Variants in CNTN5 observed in about 807,000 individuals in gnomAD.
The protein encoded by CNTN5 is contactin 5.
In CNTN5, 77 loss-of-function variants were observed where a neutral mutation model predicts 129.1. The ratio of observed to expected loss-of-function variants is 0.60; its 90% CI spans 0.50 to 0.72. The LOEUF is 0.72. Among genes scored for constraint, CNTN5 ranks in the 30% least tolerant of loss-of-function variants. The probability of loss-of-function intolerance (pLI) is 0.00; values close to 1 mark genes in which losing one functional copy is unlikely to be tolerated. For synonymous variants in CNTN5, 509 were observed against 465.6 expected, an observed-to-expected ratio of 1.09 and a Z score of -1.20; for missense variants, 1,478 against 1,328.8, an observed-to-expected ratio of 1.11 and a Z score of -1.75.
At chr11:100,307,024 C>G (rs901899066) in intron 20 of CNTN5, among the ~76,000 whole-genome samples, 58 of 151,524 alleles carry the variant, frequency 3.8e-4, no homozygotes, top group African/African-American at 1.4e-3. Context: ...CAAAGGTGGA[C>G]CAACCAAGTC....
At chr11:100,192,734 G>C (rs1050753049) in intron 14 of CNTN5, among the ~76,000 whole-genome samples, 1 of 151,904 alleles carries the variant, frequency 6.6e-6, no homozygotes, top group African/African-American at 2.4e-5. Context: ...AGCCTTTATT[G>C]GTTCAAAGTT....
At chr11:99,953,500 C>A (rs534127536) in intron 7 of CNTN5, among the ~76,000 whole-genome samples, 1 of 152,222 alleles carries the variant, frequency 6.6e-6, no homozygotes, top group Non-Finnish European at 1.5e-5. Flanking sequence ...AAGGAAATCC[C>A]GAAGTATCAG....
At chr11:99,966,807 C>CA (rs1234642872) in intron 8 of CNTN5, among the ~76,000 whole-genome samples, 1 of 151,990 alleles carries the variant, frequency 6.6e-6, no homozygotes, top group African/African-American at 2.4e-5. Flanking sequence ...TAATGTTGAA[C>CA]AAAAAAAGTT....
At position 100,129,459 on chromosome 11, in the gene CNTN5, A is replaced by C. The variant is rs140612276; in HGVS notation, c.1580+55165A>C. Among the ~76,000 whole-genome samples, 388 of 152,194 alleles carry C rather than the reference A, an allele frequency of 2.5e-3. 1 individual carries two copies. Among genetic ancestry groups the C allele is most frequent in the African/African-American group, 8.5e-3 (352 of 41,528 alleles). On this transcript the variant is annotated intron_variant, in intron 13 of 24. Transcript: ENST00000524871. The stretch of plus-strand genomic sequence containing the variant: ...TATACACAGACACTCATCACATCAA[A>C]ATTCCTTTGAAGACCGAAGAAAGAG...
At chr11:99,411,121 CAT>C (rs564963228) in intron 2 of CNTN5, among the ~76,000 whole-genome samples, 220 of 152,274 alleles carry the variant, frequency 1.4e-3, no homozygotes, top group African/African-American at 5.1e-3. Flanking sequence ...ATATTGGTAA[CAT>C]GTTTATTTTC....
At chr11:100,209,581 T>C (rs1356018567) in intron 15 of CNTN5, among the ~76,000 whole-genome samples, 2 of 152,164 alleles carry the variant, frequency 1.3e-5, no homozygotes, top group Non-Finnish European at 2.9e-5. Context: ...AAAACATAAA[T>C]GGGTTAATTG....
intron 13 of CNTN5, among the ~76,000 whole-genome samples, chr11:100,189,380 C>T (rs1206488613): frequency 2.0e-5 from 3 of 151,702 alleles, no homozygotes; most frequent in Admixed American, 2.0e-4. Flanking sequence ...TTAAATGTTG[C>T]CTCCTGTCAG....
intron 3 of CNTN5, among the ~76,000 whole-genome samples, chr11:99,590,035 G>A (rs1290024862): frequency 6.6e-6 from 1 of 152,132 alleles, no homozygotes; most frequent in African/African-American, 2.4e-5. Flanking sequence ...GCCAGTCCTT[G>A]AGAGATGAAC....
intron 1 of CNTN5, among the ~76,000 whole-genome samples, chr11:99,089,970 T>C (rs1240564302): frequency 6.6e-6 from 1 of 152,206 alleles, no homozygotes; most frequent in African/African-American, 2.4e-5. Context: ...AGACATTTAC[T>C]ATGGTGAATC....
rs978452842 is a variant in CNTN5 at position 100,291,746 on chromosome 11, TATA to T, written c.2315-5871_2315-5869del. 6.9e-3 allele frequency among the ~76,000 whole-genome samples: 937 copies of T among 134,962 alleles called. 11 individuals carry two copies. Among genetic ancestry groups the T allele is most frequent in the African/African-American group, 0.026 (896 of 34,894 alleles). The allele number at this position is 134,962 out of a possible 152,430, so 88.5% of individuals were successfully genotyped here. On this transcript the variant is annotated intron_variant, in intron 18 of 24. Transcript: ENST00000524871. ...TGCACATGTACCCTAAAACGTAAAG[TATA>T]ATAATAAATAAATAAATAAATAAAT...
chr11:99,849,145 A>C (rs1014765576), intron 6 of CNTN5, among the ~76,000 whole-genome samples: 11 of 151,854 alleles, frequency 7.2e-5, no homozygotes, highest in Non-Finnish European at 1.0e-4. Flanking sequence ...TAAGTTATCC[A>C]TATACTAACA....
At chr11:99,744,925 GGCGTTATTTTTA>G (rs1238444518) in intron 3 of CNTN5, among the ~76,000 whole-genome samples, 3 of 152,076 alleles carry the variant, frequency 2.0e-5, no homozygotes. Flanking sequence ...CTGTAAGGCA[GGCGTTATTTTTA>G]GCGTTCTATT....
At chr11:100,268,919 T>C (rs768141990) in intron 17 of CNTN5, among the ~76,000 whole-genome samples, 1 of 152,160 alleles carries the variant, frequency 6.6e-6, no homozygotes, top group Non-Finnish European at 1.5e-5. Context: ...AATAGTAATG[T>C]CTATTAATAA....
intron 3 of CNTN5, among the ~76,000 whole-genome samples, chr11:99,618,859 C>T (rs976613498): frequency 6.6e-6 from 1 of 152,012 alleles, no homozygotes; most frequent in Non-Finnish European, 1.5e-5. Context: ...CACCTACTAT[C>T]TGCAAAAATT....
intron 1 of CNTN5, among the ~76,000 whole-genome samples, chr11:99,245,845 C>T (rs1168949567): frequency 6.6e-6 from 1 of 152,082 alleles, no homozygotes; most frequent in East Asian, 1.9e-4. Flanking sequence ...AGCAATATTC[C>T]AGACCTCTAT....
At chr11:100,149,286 A>G (rs1206288183) in intron 13 of CNTN5, among the ~76,000 whole-genome samples, 2 of 152,188 alleles carry the variant, frequency 1.3e-5, no homozygotes, top group African/African-American at 4.8e-5. Flanking sequence ...TAACAGCATC[A>G]GACCTTGAAA....
chr11:100,162,819 A>C (rs2138370459), intron 13 of CNTN5, among the ~76,000 whole-genome samples: 1 of 151,964 alleles, frequency 6.6e-6, no homozygotes, highest in South Asian at 2.1e-4. Context: ...TTTCTTGGTA[A>C]CTGCCTTTTT....
rs575016095 is a variant in CNTN5 at position 99,885,056 on chromosome 11, G to A, written c.578-30998G>A. 3.5e-4 allele frequency among the ~76,000 whole-genome samples: 53 copies of A among 152,222 alleles called. 1 individual carries two copies. The highest frequency in any genetic ancestry group is 3.2e-3 in the Admixed American group (49 of 15,278). On this transcript the variant is annotated intron_variant, in intron 6 of 24. Transcript: ENST00000524871. The stretch of plus-strand genomic sequence containing the variant: ...ACAGCACTCTGGGGGGGTGAGGAGA[G>A]TGTATCACCTTAGCCCAGGAGTTTG...
intron 16 of CNTN5, among the ~76,000 whole-genome samples, chr11:100,246,577 A>C (rs1017542271): frequency 5.3e-5 from 8 of 152,158 alleles, no homozygotes; most frequent in African/African-American, 9.6e-5. Flanking sequence ...TGCTCATCAC[A>C]GTTTGAAAGT....
Sources: gnomAD v4.1 joint callset for allele counts (sites outside exome capture counted in the v4.1 genomes callset) on GRCh38, gnomAD v4.1.1 for gene constraint, MANE v1.5 for transcripts, NCBI Gene and HGNC (gene_info 2026-07-23, HGNC 2026-07-21) for gene names.